The following MSRA variants were observed in gnomAD, a reference collection of about 807,000 sequenced individuals.
The protein encoded by MSRA is mitochondrial peptide methionine sulfoxide reductase.
In MSRA, 54 loss-of-function variants were observed where a neutral mutation model predicts 31.3. The observed-to-expected ratio is 1.73, with a 90% CI of 1.39 to 2.17. The LOEUF is 2.17. Among genes scored for constraint, MSRA ranks in the 30% most tolerant of loss-of-function variants. The pLI is 0.00. For synonymous variants in MSRA, 169 were observed against 116.5 expected, an observed-to-expected ratio of 1.45 and a Z score of -2.90; for missense variants, 507 against 300.9, an observed-to-expected ratio of 1.69 and a Z score of -5.07.
At chr8:10,318,398 T>C (rs1801848371) in intron 4 of MSRA, among the ~76,000 whole-genome samples, 1 of 152,178 alleles carries the variant, frequency 6.6e-6, no homozygotes, top group African/African-American at 2.4e-5. Context: ...TCCCTCGTCC[T>C]GGTTATTCCT....
At chr8:10,111,104 G>C (rs1800245525) in intron 1 of MSRA, among the ~76,000 whole-genome samples, 1 of 152,140 alleles carries the variant, frequency 6.6e-6, no homozygotes, top group Non-Finnish European at 1.5e-5. Flanking sequence ...TAGTCTCCCA[G>C]TAGGACAAAA....
chr8:10,101,649 T>A (rs1319144010), intron 1 of MSRA, among the ~76,000 whole-genome samples: 1 of 152,228 alleles, frequency 6.6e-6, no homozygotes, highest in African/African-American at 2.4e-5. Flanking sequence ...TTTGTCCTTT[T>A]GTGACTGGCT....
At chr8:10,274,101 G>C (rs1455417003) in intron 3 of MSRA, among the ~76,000 whole-genome samples, 2 of 152,162 alleles carry the variant, frequency 1.3e-5, no homozygotes, top group Non-Finnish European at 2.9e-5. Context: ...TCTGGCAAAG[G>C]ACGCAATTTA....
chr8:10,108,384 G>A (rs1800039119), intron 1 of MSRA, among the ~76,000 whole-genome samples: 1 of 152,198 alleles, frequency 6.6e-6, no homozygotes, highest in African/African-American at 2.4e-5. Context: ...GATGTGAAGA[G>A]GAGTGACTCC....
chr8:10,075,537 A>T (rs960414522), intron 1 of MSRA, among the ~76,000 whole-genome samples: 1 of 152,228 alleles, frequency 6.6e-6, no homozygotes, highest in African/African-American at 2.4e-5. Context: ...GTGTTTCTAC[A>T]AATATGTAAA....
At chr8:10,259,706 G>A (rs771734123) in intron 3 of MSRA, among the ~76,000 whole-genome samples, 1 of 152,204 alleles carries the variant, frequency 6.6e-6, no homozygotes, top group Non-Finnish European at 1.5e-5. Context: ...GGTTTCCTGG[G>A]GAAACAAGGG....
At position 10,295,238 on chromosome 8, in the gene MSRA, C is replaced by A. The variant is rs912945669; in HGVS notation, c.332-6296C>A. On this transcript the variant is annotated intron_variant, in intron 3 of 5. Transcript: ENST00000317173. ...GGGACGCCTGCTCCTCAGCTGGGCA[C>A]CATGGCCTCAGCTCCACCTGACTTC... is the stretch of plus-strand genomic sequence containing the variant. 5.8e-4 allele frequency among the ~76,000 whole-genome samples: 88 copies of A among 152,124 alleles called. 1 individual carries two copies. The highest frequency in any genetic ancestry group is 1.5e-5 in the Non-Finnish European group (1 of 68,020).
At chr8:10,297,132 T>G (rs928128183) in intron 3 of MSRA, among the ~76,000 whole-genome samples, 3 of 152,202 alleles carry the variant, frequency 2.0e-5, no homozygotes, top group African/African-American at 7.2e-5. Flanking sequence ...AGCTTCCATG[T>G]AGCTAGATGA....
In MSRA at chr8:10,320,007, C is replaced by T; in HGVS notation, c.543+18C>T. On this transcript the variant is annotated intron_variant, in intron 5 of 5. Coordinates refer to ENST00000317173, the MANE Select transcript of MSRA (RefSeq NM_012331.5). Reference sequence around the variant, plus strand: ...ACCAAAAGGTAGGGATTGCTGGGCTCCTAGCCCCTGGCTTAGGCCACCATG... The same window carrying T: ...ACCAAAAGGTAGGGATTGCTGGGCTTCTAGCCCCTGGCTTAGGCCACCATG... 2 of 1,561,870 alleles carry T rather than the reference C, an allele frequency of 1.3e-6. No homozygotes were observed. The highest frequency in any genetic ancestry group is 1.2e-5 in the South Asian group (1 of 84,090).
At chr8:10,351,513 A>G (rs1268664344) in intron 5 of MSRA, among the ~76,000 whole-genome samples, 1 of 152,050 alleles carries the variant, frequency 6.6e-6, no homozygotes, top group African/African-American at 2.4e-5. Context: ...CAGCCTCCCA[A>G]AGTGCTGGGA....
intron 2 of MSRA, among the ~76,000 whole-genome samples, chr8:10,225,752 G>A (rs927307867): frequency 2.0e-5 from 3 of 152,166 alleles, no homozygotes; most frequent in Admixed American, 2.0e-4. Flanking sequence ...CGTTGGATGA[G>A]TGACACTCGG....
chr8:10,251,310 A>T (rs928309430), intron 3 of MSRA, among the ~76,000 whole-genome samples: 2 of 151,894 alleles, frequency 1.3e-5, no homozygotes, highest in African/African-American at 2.4e-5. Context: ...CAGAGTAGGG[A>T]TGAGTTCTCT....
At chr8:10,278,686 A>G (rs1799455241) in intron 3 of MSRA, among the ~76,000 whole-genome samples, 1 of 152,234 alleles carries the variant, frequency 6.6e-6, no homozygotes, top group South Asian at 2.1e-4. Flanking sequence ...ATTTTTAGAG[A>G]TGAGAGATAG....
intron 1 of MSRA, among the ~76,000 whole-genome samples, chr8:10,116,664 G>A (rs1380465331): frequency 6.6e-6 from 1 of 152,102 alleles, no homozygotes; most frequent in South Asian, 2.1e-4. Flanking sequence ...ACTGGTCATT[G>A]TAGATTTTAC....
rs374863177 is a variant in MSRA at position 10,291,388 on chromosome 8, C to T, written c.332-10146C>T. ...GCTTTTTAAAGCTTATGTTTCTCGTCGGACACTTTAAGTGACGAATGAGAC... is the reference window on the plus strand; with the variant it reads ...GCTTTTTAAAGCTTATGTTTCTCGTTGGACACTTTAAGTGACGAATGAGAC... On this transcript the variant is annotated intron_variant, in intron 3 of 5. Transcript: ENST00000317173. Among the ~76,000 whole-genome samples the T allele has an allele frequency of 2.7e-5, 4 of 146,444 alleles. No individual in the cohort carries two copies. The South Asian group carries it at 6.8e-4, about 25-fold the overall frequency.
chr8:10,259,010 G>A (rs1035080489), intron 3 of MSRA, among the ~76,000 whole-genome samples: 1 of 152,076 alleles, frequency 6.6e-6, no homozygotes, highest in East Asian at 1.9e-4. Context: ...GGGAGGCTGA[G>A]GCAGGAGAAT....
intron 5 of MSRA, among the ~76,000 whole-genome samples, chr8:10,347,052 C>T (rs4841326): frequency 0.19 from 28,428 of 152,032 alleles, 3,585 homozygotes; most frequent in Non-Finnish European, 0.28. Flanking sequence ...GAAGCCCCCT[C>T]CAATGTGTTT....
intron 1 of MSRA, among the ~76,000 whole-genome samples, chr8:10,083,630 T>G (rs999005010): frequency 6.6e-6 from 1 of 152,234 alleles, no homozygotes; most frequent in Non-Finnish European, 1.5e-5. Flanking sequence ...AGATCATTTG[T>G]TTTTAAGTTT....
intron 5 of MSRA, among the ~76,000 whole-genome samples, chr8:10,330,206 T>TACACACAC (rs58184031): frequency 0.019 from 2,747 of 148,200 alleles, 36 homozygotes; most frequent in Middle Eastern, 0.034. Context: ...AAATGTGATA[T>TACACACAC]ACACACACAC....
Sources: allele counts gnomAD v4.1 joint callset (sites outside exome capture counted in the v4.1 genomes callset), GRCh38; gene constraint gnomAD v4.1.1; transcripts MANE v1.5; gene names NCBI Gene and HGNC (gene_info 2026-07-23, HGNC 2026-07-21).